The following BMPR1B variants were observed in gnomAD, a reference collection of about 807,000 sequenced individuals.
The protein encoded by BMPR1B is bone morphogenetic protein receptor type-1B.
BMPR1B carries 12 observed loss-of-function variants against 59.1 expected under a neutral mutation model. That is an observed-to-expected ratio of 0.20 (90% CI 0.13 to 0.33). The LOEUF is 0.33. Ranked by LOEUF, BMPR1B falls within the 10% of genes least tolerant of loss-of-function variation. The pLI is 1.00. For missense variants in BMPR1B, 550 were observed against 610.9 expected (o/e 0.90, Z 1.05); for synonymous variants, 237 against 207.3 (o/e 1.14, Z -1.23).
intron 4 of BMPR1B, among the ~76,000 whole-genome samples, chr4:95,109,717 ATTATTATAC>A (rs1731476894): frequency 6.6e-6 from 1 of 151,412 alleles, no homozygotes; most frequent in Admixed American, 6.6e-5. Context: ...TATTATTATT[ATTATTATAC>A]TTTAAGTTTT....
At chr4:95,141,667 T>C (rs553026544) in intron 10 of BMPR1B, among the ~76,000 whole-genome samples, 1 of 152,324 alleles carries the variant, frequency 6.6e-6, no homozygotes, top group East Asian at 1.9e-4. Flanking sequence ...ACACATGAAA[T>C]GCCTTGAAGA....
intron 3 of BMPR1B, among the ~76,000 whole-genome samples, chr4:95,035,643 C>A (rs6854585): frequency 1.3e-5 from 2 of 152,072 alleles, no homozygotes; most frequent in South Asian, 2.1e-4. Flanking sequence ...GTCTATGTGC[C>A]TGTTTTTATA....
In BMPR1B at chr4:95,043,262, A is replaced by G. The variant is rs538739954; in HGVS notation, c.-18+47128A>G. 2.6e-5 allele frequency among the ~76,000 whole-genome samples: 4 copies of G among 151,348 alleles called. No homozygotes were observed. The South Asian group carries it at 8.3e-4, about 32-fold the overall frequency. On this transcript the variant is annotated intron_variant, in intron 3 of 12. Transcript: ENST00000515059. The stretch of plus-strand genomic sequence containing the variant: ...CCTAGTTCCCTGTTACTAGGGTGCA[A>G]GTCTGACCTCATGGTCTTTTAGTAG...
chr4:95,019,496 A>G (rs1163780557), intron 3 of BMPR1B, among the ~76,000 whole-genome samples: 1 of 152,208 alleles, frequency 6.6e-6, no homozygotes, highest in Non-Finnish European at 1.5e-5. Context: ...TCCATTATAG[A>G]GAAACTGTTA....
intron 2 of BMPR1B, among the ~76,000 whole-genome samples, chr4:94,911,620 G>T (rs535615772): frequency 6.6e-6 from 1 of 152,244 alleles, no homozygotes; most frequent in South Asian, 2.1e-4. Flanking sequence ...CATTTGAAGA[G>T]ATAATATAAT....
chr4:94,901,048 A>G (rs972958166), intron 2 of BMPR1B, among the ~76,000 whole-genome samples: 1 of 151,988 alleles, frequency 6.6e-6, no homozygotes, highest in Admixed American at 6.6e-5. Flanking sequence ...AGGGCCAGTT[A>G]GGTGTCCTTT....
chr4:94,952,571 T>A (rs1419022459), intron 2 of BMPR1B, among the ~76,000 whole-genome samples: 1 of 152,226 alleles, frequency 6.6e-6, no homozygotes, highest in African/African-American at 2.4e-5. Context: ...TGTGCGGTTT[T>A]GAGTGAGTTT....
At chr4:94,987,061 T>A (rs991570875) in intron 2 of BMPR1B, among the ~76,000 whole-genome samples, 5 of 145,034 alleles carry the variant, frequency 3.4e-5, no homozygotes, top group African/African-American at 7.6e-5. Context: ...TATATATATA[T>A]AATATATAAT....
chr4:94,760,784 G>T (rs1721733044), intron 1 of BMPR1B, among the ~76,000 whole-genome samples: 1 of 152,148 alleles, frequency 6.6e-6, no homozygotes, highest in Non-Finnish European at 1.5e-5. Flanking sequence ...ACAGTACCTG[G>T]TATGTGATAG....
At chr4:94,849,068 A>G (rs1294556661) in intron 1 of BMPR1B, among the ~76,000 whole-genome samples, 3 of 152,228 alleles carry the variant, frequency 2.0e-5, no homozygotes, top group African/African-American at 4.8e-5. Flanking sequence ...TTGTTAGTAT[A>G]TAGGTTTTAC....
intron 2 of BMPR1B, among the ~76,000 whole-genome samples, chr4:94,879,598 G>T (rs1243486461): frequency 6.6e-6 from 1 of 152,158 alleles, no homozygotes; most frequent in East Asian, 1.9e-4. Flanking sequence ...GCGAGACCCT[G>T]TCTCAGAAAT....
chr4:94,869,321 T>C (rs192168213), intron 1 of BMPR1B, among the ~76,000 whole-genome samples: 1 of 152,318 alleles, frequency 6.6e-6, no homozygotes, highest in African/African-American at 2.4e-5. Context: ...TAAACCTTTT[T>C]CCGTTATTTT....
intron 2 of BMPR1B, among the ~76,000 whole-genome samples, chr4:94,977,041 C>A (rs1731057934): frequency 6.6e-6 from 1 of 152,052 alleles, no homozygotes; most frequent in Non-Finnish European, 1.5e-5. Context: ...TCTTTGTTTC[C>A]TTTCAGTTCC....
intron 3 of BMPR1B, among the ~76,000 whole-genome samples, chr4:95,089,914 A>G (rs1423535058): frequency 1.3e-5 from 2 of 152,206 alleles, no homozygotes; most frequent in Middle Eastern, 3.4e-3. Context: ...CAACTGTCTT[A>G]TTTTACTTTG....
At chr4:94,794,650 A>G (rs1723116929) in intron 1 of BMPR1B, among the ~76,000 whole-genome samples, 1 of 151,258 alleles carries the variant, frequency 6.6e-6, no homozygotes, top group Admixed American at 6.6e-5. Context: ...CCTACCCATG[A>G]GCATGGAATG....
intron 12 of BMPR1B, 61 bp from the exon 13 acceptor site, chr4:95,154,487 T>A: frequency 6.2e-7 from 1 of 1,610,050 alleles, no homozygotes; most frequent in Non-Finnish European, 8.5e-7. Context: ...ACTAAAAAGC[T>A]ACATTGTAAC....
At chr4:94,953,822 G>C (rs1730042832) in intron 2 of BMPR1B, among the ~76,000 whole-genome samples, 1 of 152,116 alleles carries the variant, frequency 6.6e-6, no homozygotes, top group Non-Finnish European at 1.5e-5. Flanking sequence ...GGTTGGGGAA[G>C]TTCTCCTGGA....
intron 3 of BMPR1B, among the ~76,000 whole-genome samples, chr4:95,087,721 G>A (rs560529313): frequency 1.3e-3 from 196 of 152,104 alleles, no homozygotes; most frequent in African/African-American, 4.4e-3. Context: ...AACAGAGTGG[G>A]ACCCTGTCTC....
chr4:94,758,436 A>C (rs1721615289), intron 1 of BMPR1B, among the ~76,000 whole-genome samples: 1 of 151,350 alleles, frequency 6.6e-6, no homozygotes, highest in East Asian at 2.0e-4. Context: ...GGACGCCCCA[A>C]GGCAGGGAGT....
Sources: allele counts gnomAD v4.1 joint callset (sites outside exome capture counted in the v4.1 genomes callset), GRCh38; gene constraint gnomAD v4.1.1; transcripts MANE v1.5; gene names NCBI Gene and HGNC (gene_info 2026-07-23, HGNC 2026-07-21).